The following SGK3 variants were observed in gnomAD, a reference collection of about 807,000 sequenced individuals.
SGK3 encodes the protein serum/glucocorticoid regulated kinase family member 3.
Under a neutral mutation model 68.5 loss-of-function variants are expected in SGK3, and 47 were observed. That is an observed-to-expected ratio of 0.69 (90% CI 0.54 to 0.87). SGK3 has a LOEUF of 0.87. Ranked by LOEUF, SGK3 falls within the 40% of genes least tolerant of loss-of-function variation. SGK3 has a pLI of 0.00. For synonymous variants in SGK3, 181 were observed against 189.1 expected (o/e 0.96, Z 0.35); for missense variants, 479 against 575.5 (o/e 0.83, Z 1.72).
At chr8:66,782,967 A>G (rs1261291292) in intron 1 of SGK3, among the ~76,000 whole-genome samples, 2 of 152,216 alleles carry the variant, frequency 1.3e-5, no homozygotes, top group African/African-American at 4.8e-5. Context: ...GTGTGCACGT[A>G]GTTTTTAGCT....
At chr8:66,834,402 A>G (rs1042948373) in intron 8 of SGK3, among the ~76,000 whole-genome samples, 2 of 152,168 alleles carry the variant, frequency 1.3e-5, no homozygotes, top group African/African-American at 4.8e-5. Context: ...GTTACCTTTG[A>G]GAAGGAGAAG....
At chr8:66,738,898 G>A (rs1805402069) in intron 1 of SGK3, among the ~76,000 whole-genome samples, 1 of 152,118 alleles carries the variant, frequency 6.6e-6, no homozygotes, top group African/African-American at 2.4e-5. Context: ...CCACAGTGCT[G>A]GGATTACAGG....
intron 16 of SGK3, among the ~76,000 whole-genome samples, chr8:66,858,864 A>G (rs113485951): frequency 0.038 from 5,764 of 152,120 alleles, 168 homozygotes; most frequent in African/African-American, 0.069. Flanking sequence ...TCTTCTTCCA[A>G]TGTGGCCCAG....
At chr8:66,785,003 A>G (rs1182556800) in intron 1 of SGK3, among the ~76,000 whole-genome samples, 2 of 152,162 alleles carry the variant, frequency 1.3e-5, no homozygotes, top group East Asian at 1.9e-4. Flanking sequence ...CTGTGTACCA[A>G]GCTCTCAGTT....
At chr8:66,760,323 CT>C (rs1806118168) in intron 1 of SGK3, among the ~76,000 whole-genome samples, 1 of 131,860 alleles carries the variant, frequency 7.6e-6, no homozygotes, top group Non-Finnish European at 1.6e-5. Context: ...TGTTCATTTT[CT>C]TTTTTCTTTT....
At chr8:66,715,648 G>A (rs1469617342) in intron 1 of SGK3, among the ~76,000 whole-genome samples, 1 of 152,172 alleles carries the variant, frequency 6.6e-6, no homozygotes, top group Non-Finnish European at 1.5e-5. Flanking sequence ...AAAACTATGT[G>A]TTTTATTGAA....
chr8:66,721,824 C>G (rs919752867), intron 1 of SGK3, among the ~76,000 whole-genome samples: 1 of 151,720 alleles, frequency 6.6e-6, no homozygotes, highest in African/African-American at 2.4e-5. Flanking sequence ...GACCACTGTT[C>G]CTTTTAGAAA....
chr8:66,841,167 T>G, intron 13 of SGK3, 57 bp downstream of exon 13: 1 of 1,329,924 alleles, frequency 7.5e-7, no homozygotes, highest in East Asian at 2.6e-5. Flanking sequence ...CAAATATGAA[T>G]TACAGATTGC....
intron 1 of SGK3, among the ~76,000 whole-genome samples, chr8:66,793,185 G>A (rs1382887622): frequency 6.6e-6 from 1 of 152,120 alleles, no homozygotes; most frequent in African/African-American, 2.4e-5. Context: ...CGGGATGTAC[G>A]AATTATTTCA....
At chr8:66,825,772 C>T (rs1809029301) in intron 6 of SGK3, among the ~76,000 whole-genome samples, 1 of 152,150 alleles carries the variant, frequency 6.6e-6, no homozygotes, top group Non-Finnish European at 1.5e-5. Flanking sequence ...AATTATACCT[C>T]ACCCTCAATT....
chr8:66,741,056 ATTAG>A (rs781691312), intron 1 of SGK3, among the ~76,000 whole-genome samples: 5 of 151,792 alleles, frequency 3.3e-5, no homozygotes, highest in Non-Finnish European at 5.9e-5. Flanking sequence ...ATAGCTCTTT[ATTAG>A]TTCAAGTCTA....
intron 1 of SGK3, among the ~76,000 whole-genome samples, chr8:66,781,909 G>A (rs1807001883): frequency 6.6e-6 from 1 of 152,138 alleles, no homozygotes; most frequent in Non-Finnish European, 1.5e-5. Flanking sequence ...AAGGAAAACA[G>A]GAAAAAGTTG....
intron 1 of SGK3, among the ~76,000 whole-genome samples, chr8:66,757,946 T>C (rs925112907): frequency 1.5e-5 from 2 of 137,428 alleles, no homozygotes; most frequent in African/African-American, 2.7e-5. Context: ...TATATATACA[T>C]ATATATATAT....
intron 10 of SGK3, among the ~76,000 whole-genome samples, chr8:66,838,741 G>C (rs930429894): frequency 2.0e-5 from 3 of 152,164 alleles, no homozygotes; most frequent in African/African-American, 7.2e-5. Flanking sequence ...TGGAGGAGAA[G>C]TTGAGTGGGT....
At chr8:66,767,398 TAA>T in intron 1 of SGK3, 1 of 1,270,158 alleles carries the variant, frequency 7.9e-7, no homozygotes. Flanking sequence ...CTAAGAAATT[TAA>T]ATATCTATGT....
intron 1 of SGK3, among the ~76,000 whole-genome samples, chr8:66,786,423 G>A (rs1807201819): frequency 6.6e-6 from 1 of 152,136 alleles, no homozygotes; most frequent in South Asian, 2.1e-4. Context: ...AACCAGATTG[G>A]CACATGTAAA....
chr8:66,826,704 C>T (rs1009932277), intron 6 of SGK3, among the ~76,000 whole-genome samples: 31 of 151,554 alleles, frequency 2.0e-4, no homozygotes, highest in South Asian at 6.2e-4. Context: ...GAATGCAGTG[C>T]CGCTATCTCA....
At chr8:66,720,496 G>A (rs1415266063) in intron 1 of SGK3, among the ~76,000 whole-genome samples, 6 of 152,074 alleles carry the variant, frequency 3.9e-5, no homozygotes, top group Non-Finnish European at 5.9e-5. Flanking sequence ...TGGGCCAGGC[G>A]CAGTGGCTCA....
intron 1 of SGK3, among the ~76,000 whole-genome samples, chr8:66,782,288 C>T (rs1480325953): frequency 6.6e-6 from 1 of 152,028 alleles, no homozygotes; most frequent in Non-Finnish European, 1.5e-5. Context: ...TAGGTCATTT[C>T]CCCTTGCCAC....
Sources: allele counts gnomAD v4.1 joint callset (sites outside exome capture counted in the v4.1 genomes callset), GRCh38; gene constraint gnomAD v4.1.1; transcripts MANE v1.5; gene names NCBI Gene and HGNC (gene_info 2026-07-23, HGNC 2026-07-21).